Variants in FAM20A observed in about 807,000 individuals in gnomAD.
The protein encoded by FAM20A is pseudokinase FAM20A.
A neutral mutation model predicts 52.0 loss-of-function variants in FAM20A; 42 were observed. The ratio of observed to expected loss-of-function variants is 0.81; its 90% confidence interval spans 0.63 to 1.04. The LOEUF (loss-of-function observed/expected upper bound fraction) is 1.04. Ranked by LOEUF, FAM20A falls within the 50% of genes least tolerant of loss-of-function variation. The probability of loss-of-function intolerance (pLI) is 0.00; values close to 1 mark genes in which losing one functional copy is unlikely to be tolerated. For missense variants in FAM20A, 742 were observed against 712.7 expected (o/e 1.04, Z -0.47); for synonymous variants, 304 against 298.9 (o/e 1.02, Z -0.18).
chr17:68,568,596 C>G (rs2087448850), intron 1 of FAM20A, among the ~76,000 whole-genome samples: 1 of 151,840 alleles, frequency 6.6e-6, no homozygotes, highest in South Asian at 2.1e-4. Flanking sequence ...TCTGGAGACT[C>G]TAGGGGAGTT....
intron 4 of FAM20A, among the ~76,000 whole-genome samples, chr17:68,544,096 A>G (rs187253669): frequency 1.6e-4 from 25 of 152,342 alleles, no homozygotes; most frequent in African/African-American, 6.0e-4. Context: ...GAGGTAGTGC[A>G]GATCCAGATG....
rs1029468704 is a variant in FAM20A at position 68,539,878 on chromosome 17, A to T, written c.1301+7T>A. On this transcript the variant is annotated splice_region_variant and intron_variant, in intron 9 of 10. Coordinates refer to ENST00000592554, the MANE Select transcript of FAM20A (RefSeq NM_017565.4). ...GGGGATTGTTGAACACACGTGGGGA[A>T]GCTCACCCTCTGGCGTTGTCAAGGT... 1.2e-6 allele frequency: 2 copies of T among 1,613,824 alleles called. No individual in the cohort carries two copies. The highest frequency in any genetic ancestry group is 1.7e-6 in the Non-Finnish European group (2 of 1,179,724).
intron 1 of FAM20A, among the ~76,000 whole-genome samples, chr17:68,578,200 A>G (rs1477583604): frequency 6.6e-6 from 1 of 152,210 alleles, no homozygotes; most frequent in Non-Finnish European, 1.5e-5. Context: ...GTTTACCAGA[A>G]TATATTTATT....
intron 1 of FAM20A, among the ~76,000 whole-genome samples, chr17:68,563,636 A>T (rs1454629112): frequency 6.6e-6 from 1 of 152,100 alleles, no homozygotes; most frequent in Non-Finnish European, 1.5e-5. Context: ...GTGGGTCAAC[A>T]TGATAGGCAT....
In FAM20A at chr17:68,536,547, A is replaced by G. The variant is rs1377847592; in HGVS notation, c.*930T>C. On this transcript the variant is annotated 3_prime_UTR_variant, in exon 11 of 11. Coordinates refer to ENST00000592554, the MANE Select transcript of FAM20A (RefSeq NM_017565.4). ...CCAGCCGTCACAGGGAGGGGCATCT[A>G]GAGGGCCTCACCTTTCCACATAGCC... 4.6e-5 allele frequency: 21 copies of G among 453,928 alleles called. No individual in the cohort carries two copies. Among genetic ancestry groups the G allele is most frequent in the Admixed American group, 4.0e-4 (17 of 42,546 alleles). The allele number at this position is 453,928 out of a possible 1,614,324, so 28.1% of individuals were successfully genotyped here.
chr17:68,577,041 C>T (rs1223919520), intron 1 of FAM20A, among the ~76,000 whole-genome samples: 1 of 152,174 alleles, frequency 6.6e-6, no homozygotes, highest in African/African-American at 2.4e-5. Context: ...GCCTTCTATC[C>T]GGGCCAAGTT....
At chr17:68,545,998 T>C (rs565468405) in intron 4 of FAM20A, among the ~76,000 whole-genome samples, 13 of 151,932 alleles carry the variant, frequency 8.6e-5, no homozygotes, top group South Asian at 2.1e-4. Flanking sequence ...TGAAACCCTG[T>C]CTCTACTAAA....
chr17:68,590,487 C>T (rs1451211696), intron 1 of FAM20A: 4 of 152,154 alleles, frequency 2.6e-5, no homozygotes, highest in African/African-American at 9.7e-5. Flanking sequence ...GACATGAACC[C>T]GTGAAGGAGC....
At chr17:68,592,119 C>T (rs763703020) in intron 1 of FAM20A, among the ~76,000 whole-genome samples, 1 of 148,898 alleles carries the variant, frequency 6.7e-6, no homozygotes, top group Non-Finnish European at 1.5e-5. Flanking sequence ...AATTACAAAA[C>T]TTCTGCAATG....
chr17:68,547,148 C>G lies in FAM20A; in HGVS notation c.720-3427G>C, dbSNP rs2086609610. 2.0e-5 allele frequency among the ~76,000 whole-genome samples: 3 copies of G among 152,212 alleles called. No homozygotes were observed. In the South Asian group the frequency reaches 6.2e-4, roughly 32 times the overall value. ...AGAGCACAGGCAGAGTAAAATTTAG[C>G]ATCACTCTTGAGGGCCTGAGGATGT... On this transcript the variant is annotated intron_variant, in intron 4 of 10. Coordinates refer to ENST00000592554, the MANE Select transcript of FAM20A (RefSeq NM_017565.4).
At chr17:68,550,097 G>A (rs139494194) in intron 4 of FAM20A, among the ~76,000 whole-genome samples, 3 of 152,204 alleles carry the variant, frequency 2.0e-5, no homozygotes, top group Non-Finnish European at 1.5e-5. Flanking sequence ...GGGGAGGGGA[G>A]TGGGGAAATA....
chr17:68,595,986 C>A (rs1156245655), intron 1 of FAM20A, among the ~76,000 whole-genome samples: 6 of 152,204 alleles, frequency 3.9e-5, no homozygotes, highest in Admixed American at 3.9e-4. Flanking sequence ...CTTCTCCACC[C>A]TTCTCCTCTA....
At chr17:68,554,905 C>G (rs1457135079) in intron 2 of FAM20A, 78 bp from the exon 3 acceptor site, 10 of 1,463,648 alleles carry the variant, frequency 6.8e-6, no homozygotes, top group Non-Finnish European at 9.5e-6. Flanking sequence ...TCCCTTGACT[C>G]TGGTTCAGAT....
chr17:68,581,290 A>C (rs149302226), intron 1 of FAM20A, among the ~76,000 whole-genome samples: 64 of 152,154 alleles, frequency 4.2e-4, no homozygotes, highest in African/African-American at 1.5e-3. Flanking sequence ...ACATGAAATA[A>C]AGTTAAACTC....
intron 9 of FAM20A, 142 bp downstream of exon 9, chr17:68,539,742 TG>T: frequency 2.6e-6 from 2 of 770,442 alleles, no homozygotes; most frequent in Non-Finnish European, 4.5e-6. Context: ...AAGAAGGAAA[TG>T]GAAGAAGCCG....
At chr17:68,581,350 T>TCTTCTTTC (rs2087941479) in intron 1 of FAM20A, among the ~76,000 whole-genome samples, 1 of 92,218 alleles carries the variant, frequency 1.1e-5, no homozygotes, top group African/African-American at 4.8e-5. Flanking sequence ...GAAATGCAGT[T>TCTTCTTTC]TTTCTTTCTT....
In FAM20A at chr17:68,537,662, G is replaced by A; in HGVS notation, c.1441C>T (p.Leu481=). 6.2e-7 allele frequency: 1 copy of A among 1,613,910 alleles called. No homozygotes were observed. Among genetic ancestry groups the A allele is most frequent in the Admixed American group, 1.7e-5 (1 of 59,986 alleles). ...YRLSDVMRES[L]LEDQLSPVLT... is the part of the protein sequence containing the mutation. Reference sequence around the variant, plus strand: ...ACAGGGCTGAGCTGGTCTTCCAGCAGTGATTCTCGCATCACATCGCTGAGT... The same window carrying A: ...ACAGGGCTGAGCTGGTCTTCCAGCAATGATTCTCGCATCACATCGCTGAGT... The change falls in exon 11 of 11, where the codon CTG becomes TTG. Residue 481 remains leucine, a synonymous_variant. Coordinates refer to ENST00000592554, the MANE Select transcript of FAM20A (RefSeq NM_017565.4). The surrounding 1 kb of genome is among the most constrained non-coding windows in gnomAD (Gnocchi z 4.2).
At chr17:68,549,989 G>A (rs7213247) in intron 4 of FAM20A, among the ~76,000 whole-genome samples, 24,626 of 152,148 alleles carry the variant, frequency 0.16, 2,021 homozygotes, top group South Asian at 0.18. Context: ...CAACCACTTT[G>A]TTTTGTTTGG....
chr17:68,592,786 G>T (rs890679771), intron 1 of FAM20A, among the ~76,000 whole-genome samples: 1 of 152,050 alleles, frequency 6.6e-6, no homozygotes. Flanking sequence ...TGGCTTCTTA[G>T]GAACAGTACT....
Sources: gnomAD v4.1 joint callset for allele counts (sites outside exome capture counted in the v4.1 genomes callset) on GRCh38, gnomAD v4.1.1 for gene constraint, Gnocchi (gnomAD v3.1) non-coding constraint, MANE v1.5 for transcripts, NCBI Gene and HGNC (gene_info 2026-07-23, HGNC 2026-07-21) for gene names.